CATSPERD: variants seen among roughly 807,000 people sequenced by gnomAD.
The protein encoded by CATSPERD is cation channel sperm-associated auxiliary subunit delta.
In CATSPERD, 86 loss-of-function variants were observed where a neutral mutation model predicts 98.1. That is an observed-to-expected ratio of 0.88 (90% CI 0.74 to 1.05). The LOEUF (loss-of-function observed/expected upper bound fraction) is 1.05, where lower values mean the gene tolerates loss of function less well. Ranked by LOEUF, CATSPERD falls within the 50% of genes least tolerant of loss-of-function variation. The pLI, the probability that CATSPERD is intolerant of heterozygous loss-of-function variation, is 0.00. For missense variants in CATSPERD, 995 were observed against 1,005.7 expected (o/e 0.99, Z 0.14); for synonymous variants, 394 against 390.2 (o/e 1.01, Z -0.12).
rs2056131400 is a variant in CATSPERD at position 5,748,153 on chromosome 19, C to T, written c.809-7C>T. The stretch of plus-strand genomic sequence containing the variant: ...GGGCCTCATGCACCTGTCCTGTTAC[C>T]TCCTAGGTCAGCTCGTCGACACCGT... On this transcript the variant is annotated splice_region_variant and splice_polypyrimidine_tract_variant and intron_variant, in intron 9 of 21. Coordinates refer to ENST00000381624, the MANE Select transcript of CATSPERD (RefSeq NM_152784.4). 6.2e-7 allele frequency: 1 copy of T among 1,612,358 alleles called. No individual in the cohort carries two copies. The highest frequency in any genetic ancestry group is 1.3e-5 in the African/African-American group (1 of 74,834).
intron 15 of CATSPERD, among the ~76,000 whole-genome samples, chr19:5,761,938 A>G (rs747606799): frequency 6.7e-6 from 1 of 148,494 alleles, no homozygotes; most frequent in Non-Finnish European, 1.5e-5. Flanking sequence ...GGGTTTCACC[A>G]TATTGGCAAG....
intron 10 of CATSPERD, 32 bp from the exon 11 acceptor site, chr19:5,749,069 A>G (rs747023068): frequency 1.3e-6 from 2 of 1,586,056 alleles, no homozygotes; most frequent in Non-Finnish European, 1.7e-6. Flanking sequence ...CAGCATTTCA[A>G]TTTTTGTTTT....
Position 5,739,318 on chromosome 19 carries a change from T to C in CATSPERD, c.460-8T>C, listed in dbSNP as rs2055911054. 7.1e-7 allele frequency: 1 copy of C among 1,404,952 alleles called. No individual in the cohort carries two copies. Among genetic ancestry groups the C allele is most frequent in the Non-Finnish European group, 1.0e-6 (1 of 1,004,720 alleles). 87.0% of individuals were successfully genotyped at this position (1,404,952 alleles called of 1,614,324 possible). A position where few individuals can be genotyped will look rare whatever the true frequency, so the allele number is the denominator to read the frequency against. ...CTTTCATTCTTTCTTTCTTTTTTTT[T>C]TTTATAGCATGTCAGTAATTTGGTT... On this transcript the variant is annotated splice_region_variant and splice_polypyrimidine_tract_variant and intron_variant, in intron 6 of 21. Coordinates refer to ENST00000381624, the MANE Select transcript of CATSPERD (RefSeq NM_152784.4).
At chr19:5,732,444 T>G (rs1487109510) in intron 4 of CATSPERD, among the ~76,000 whole-genome samples, 1 of 137,464 alleles carries the variant, frequency 7.3e-6, no homozygotes, top group Non-Finnish European at 1.6e-5. Flanking sequence ...TTGTTTTTGT[T>G]TTTTTTGAGA....
intron 15 of CATSPERD, among the ~76,000 whole-genome samples, chr19:5,762,058 A>ATATATATTTTTTTTTT: frequency 8.6e-4 from 9 of 10,438 alleles, no homozygotes; most frequent in African/African-American, 3.0e-3. Context: ...ATATATATAT[A>ATATATATTTTTTTTTT]TTTTTTTTTT....
chr19:5,747,036 G>A (rs759646900), intron 9 of CATSPERD, among the ~76,000 whole-genome samples: 32 of 151,768 alleles, frequency 2.1e-4, no homozygotes, highest in Non-Finnish European at 3.7e-4. Context: ...GTAGAGACTG[G>A]GTCCTCCTGT....
At chr19:5,734,020 G>A in intron 5 of CATSPERD, 50 bp downstream of exon 5, 1 of 1,085,016 alleles carries the variant, frequency 9.2e-7, no homozygotes, top group Non-Finnish European at 1.4e-6. Context: ...GTCAACATGA[G>A]AGAAGAGGGT....
At chr19:5,724,484 G>C (rs1477176274) in intron 1 of CATSPERD, among the ~76,000 whole-genome samples, 2 of 152,136 alleles carry the variant, frequency 1.3e-5, no homozygotes, top group Admixed American at 6.5e-5. Flanking sequence ...CAGATCACGA[G>C]GTCAGGAGTT....
At chr19:5,731,091 CAAA>C (rs762460181) in intron 4 of CATSPERD, among the ~76,000 whole-genome samples, 8 of 75,080 alleles carry the variant, frequency 1.1e-4, no homozygotes, top group Admixed American at 2.7e-4. Context: ...GACTCCGTCT[CAAA>C]AAAAAAAAAA....
intron 1 of CATSPERD, among the ~76,000 whole-genome samples, chr19:5,723,387 C>T (rs150443549): frequency 0.045 from 6,740 of 149,594 alleles, 222 homozygotes; most frequent in Middle Eastern, 0.09. Flanking sequence ...AAGGTTCAAG[C>T]GATTCTAGTG....
intron 11 of CATSPERD, among the ~76,000 whole-genome samples, chr19:5,751,253 G>A (rs1357476628): frequency 7.7e-6 from 1 of 129,212 alleles, no homozygotes; most frequent in African/African-American, 2.9e-5. Flanking sequence ...GGCCTGGCGC[G>A]GTGGCTCACG....
rs2305926 is a variant in CATSPERD at position 5,778,586 on chromosome 19, C to G, written c.2307C>G (p.Val769=). Residue 769 remains valine (V), a synonymous_variant, in exon 22 of 22, where the codon GTC becomes GTG. Coordinates refer to ENST00000381624, the MANE Select transcript of CATSPERD (RefSeq NM_152784.4). ...ATQLCRRCKT[V]CQFRASATAR... Reference sequence around the variant, plus strand: ...AGCTGTGTAGGAGATGCAAGACGGTCTGCCAGTTCAGGGCCTCAGCCACAG... The same window carrying G: ...AGCTGTGTAGGAGATGCAAGACGGTGTGCCAGTTCAGGGCCTCAGCCACAG... The G allele has an allele frequency of 0.018, 29,111 of 1,613,820 alleles. 434 individuals carry two copies. The highest frequency in any genetic ancestry group is 0.056 in the Middle Eastern group (337 of 6,062).
intron 16 of CATSPERD, among the ~76,000 whole-genome samples, chr19:5,764,694 G>C (rs1176403116): frequency 6.6e-6 from 1 of 151,618 alleles, no homozygotes; most frequent in African/African-American, 2.4e-5. Context: ...TTGGCTCACT[G>C]TAACCTCCAC....
At position 5,720,763 on chromosome 19, in the gene CATSPERD, C is replaced by G. The variant is rs77103649; in HGVS notation, c.26C>G (p.Ala9Gly). MLMLMLVA[A>G]VTMWLRPLVT... is the part of the protein sequence containing the mutation. Reference sequence around the variant, plus strand: ...ATGCTGATGTTGATGCTGGTGGCGGCTGTGACCATGTGGCTCCGACCGCTG... The same window carrying G: ...ATGCTGATGTTGATGCTGGTGGCGGGTGTGACCATGTGGCTCCGACCGCTG... Residue 9 changes from alanine (A) to glycine (G), a missense_variant, in exon 1 of 22, where the codon GCT (alanine) becomes GGT (glycine). By Grantham distance (60) the Ala-to-Gly change is moderately conservative. Transcript: ENST00000381624. 2,382 of 1,605,026 alleles carry G rather than the reference C, an allele frequency of 1.5e-3. 31 individuals carry two copies. In the African/African-American group the frequency reaches 0.027, roughly 18 times the overall value.
At chr19:5,770,892 G>T in intron 18 of CATSPERD, 52 bp from the exon 19 acceptor site, 1 of 1,548,892 alleles carries the variant, frequency 6.5e-7, no homozygotes, top group Non-Finnish European at 8.7e-7. Flanking sequence ...AGGGTTGGCA[G>T]ACTGGGCAGG....
chr19:5,729,319 C>T (rs1222379796), intron 3 of CATSPERD, among the ~76,000 whole-genome samples: 3 of 151,754 alleles, frequency 2.0e-5, no homozygotes, highest in Non-Finnish European at 4.4e-5. Flanking sequence ...AGGCTGGTCT[C>T]GAACTCTTGA....
At chr19:5,732,525 C>T (rs1049192541) in intron 4 of CATSPERD, among the ~76,000 whole-genome samples, 4 of 150,698 alleles carry the variant, frequency 2.7e-5, no homozygotes, top group Admixed American at 6.6e-5. Flanking sequence ...CTCCACCTCC[C>T]GAGTTCACAC....
chr19:5,742,862 T>C (rs2145744337), intron 7 of CATSPERD, among the ~76,000 whole-genome samples: 1 of 152,182 alleles, frequency 6.6e-6, no homozygotes, highest in East Asian at 1.9e-4. Flanking sequence ...GGCAGATGGA[T>C]CCCATAATTG....
intron 15 of CATSPERD, among the ~76,000 whole-genome samples, chr19:5,760,646 G>C (rs2056417148): frequency 6.6e-6 from 1 of 152,044 alleles, no homozygotes; most frequent in Non-Finnish European, 1.5e-5. Context: ...GGGAAGATGA[G>C]AAACTTCTGG....
Sources: allele counts gnomAD v4.1 joint callset (sites outside exome capture counted in the v4.1 genomes callset), GRCh38; gene constraint gnomAD v4.1.1; transcripts MANE v1.5; gene names NCBI Gene and HGNC (gene_info 2026-07-23, HGNC 2026-07-21).